CNTN1: variants seen among roughly 807,000 people sequenced by gnomAD.
The protein encoded by CNTN1 is contactin 1.
CNTN1 carries 38 observed loss-of-function variants against 126.4 expected under a neutral mutation model. That is an observed-to-expected ratio of 0.30 (90% CI 0.23 to 0.39). CNTN1 has a LOEUF of 0.39. Among genes scored for constraint, CNTN1 ranks in the 10% least tolerant of loss-of-function variants. The pLI is 1.00. For synonymous variants in CNTN1, 413 were observed against 422.6 expected, an observed-to-expected ratio of 0.98 and a Z score of 0.28; for missense variants, 1,009 against 1,248.4, an observed-to-expected ratio of 0.81 and a Z score of 2.89.
intron 1 of CNTN1, among the ~76,000 whole-genome samples, chr12:40,693,039 G>T (rs567820272): frequency 6.6e-6 from 1 of 152,330 alleles, no homozygotes; most frequent in Admixed American, 6.5e-5. Context: ...CCACCTGGGC[G>T]CCTGGCTAGC....
At chr12:40,801,958 C>A (rs546347889) in intron 1 of CNTN1, among the ~76,000 whole-genome samples, 77 of 140,954 alleles carry the variant, frequency 5.5e-4, no homozygotes, top group African/African-American at 1.7e-3. Flanking sequence ...CAATGAAGAT[C>A]AAAAAAAAAA....
intron 16 of CNTN1, among the ~76,000 whole-genome samples, chr12:40,988,616 A>G (rs1592367784): frequency 6.6e-6 from 1 of 152,146 alleles, no homozygotes; most frequent in East Asian, 1.9e-4. Flanking sequence ...AGAATGGTGG[A>G]AACTTCTTTT....
Position 40,905,209 on chromosome 12 carries a change from C to T in CNTN1, c.-76-3148C>T, listed in dbSNP as rs193209274. 2.0e-3 allele frequency among the ~76,000 whole-genome samples: 302 copies of T among 152,298 alleles called. 1 individual carries two copies. The highest frequency in any genetic ancestry group is 1.5e-3 in the Non-Finnish European group (104 of 68,022). The stretch of plus-strand genomic sequence containing the variant: ...TACATTCTAGCCCTAGAAAAGTTGT[C>T]TGTATTTTATTTTCAATTTACTGAG... On this transcript the variant is annotated intron_variant, in intron 1 of 23. Transcript: ENST00000551295.
intron 1 of CNTN1, among the ~76,000 whole-genome samples, chr12:40,883,227 C>A (rs147193943): frequency 6.6e-6 from 1 of 151,438 alleles, no homozygotes; most frequent in African/African-American, 2.4e-5. Context: ...TCAAGCAATG[C>A]TTTTTTAAGT....
At chr12:40,969,126 G>A (rs983044616) in intron 15 of CNTN1, among the ~76,000 whole-genome samples, 4 of 151,980 alleles carry the variant, frequency 2.6e-5, no homozygotes, top group African/African-American at 7.2e-5. Context: ...AATCCCTTTC[G>A]AGCAGTTTTA....
intron 19 of CNTN1, among the ~76,000 whole-genome samples, chr12:41,017,932 A>G (rs1041212067): frequency 2.0e-5 from 3 of 151,920 alleles, no homozygotes; most frequent in African/African-American, 7.3e-5. Flanking sequence ...TCTCTACTAA[A>G]ACTACAAAAT....
In CNTN1 at chr12:40,823,200, T is replaced by A. The variant is rs184493871; in HGVS notation, c.-76-85157T>A. The stretch of plus-strand genomic sequence containing the variant: ...TTTTTAAAATTAGTTGTGATTACTA[T>A]AAATACTTTTTATATAACAGGGACT... On this transcript the variant is annotated intron_variant, in intron 1 of 23. Coordinates refer to ENST00000551295, the MANE Select transcript of CNTN1 (RefSeq NM_001843.4). 3.3e-5 allele frequency among the ~76,000 whole-genome samples: 5 copies of A among 152,182 alleles called. No homozygotes were observed. The East Asian group carries it at 7.7e-4, about 23-fold the overall frequency.
intron 1 of CNTN1, among the ~76,000 whole-genome samples, chr12:40,820,935 A>T (rs1467224706): frequency 6.6e-6 from 1 of 152,134 alleles, no homozygotes; most frequent in Non-Finnish European, 1.5e-5. Flanking sequence ...AATCCCAAGG[A>T]TGTTTTTCTT....
rs576966648 is a variant in CNTN1 at position 40,750,377 on chromosome 12, T to C, written c.-77+57785T>C. Among the ~76,000 whole-genome samples, 4 of 152,158 alleles carry C rather than the reference T, an allele frequency of 2.6e-5. No homozygotes were observed. In the South Asian group the frequency reaches 8.3e-4, roughly 32 times the overall value. On this transcript the variant is annotated intron_variant, in intron 1 of 23. Transcript: ENST00000551295. ...AGGGAGGGATTCACTGTAGGTAAAG[T>C]AGGGAAGCTCATGTATTTTAACAGA...
intron 1 of CNTN1, among the ~76,000 whole-genome samples, chr12:40,781,955 T>C (rs1462006647): frequency 6.6e-6 from 1 of 152,022 alleles, no homozygotes; most frequent in Non-Finnish European, 1.5e-5. Context: ...CTCTTTCTGT[T>C]CTCTTCCTAC....
chr12:41,070,514 G>T lies in CNTN1; in HGVS notation c.*479G>T, dbSNP rs1440732713. ...ACTGTTTTGGGTACTGCATATTATT[G>T]AATGGCCCCTATCATTCATGACATC... On this transcript the variant is annotated 3_prime_UTR_variant, in exon 24 of 24. Coordinates refer to ENST00000551295, the MANE Select transcript of CNTN1 (RefSeq NM_001843.4). 6.1e-6 allele frequency: 1 copy of T among 164,442 alleles called. No individual in the cohort carries two copies. The highest frequency in any genetic ancestry group is 2.4e-5 in the African/African-American group (1 of 41,614). 10.2% of individuals were successfully genotyped at this position (164,442 alleles called of 1,614,324 possible).
chr12:40,844,396 GC>G (rs1338445332), intron 1 of CNTN1, among the ~76,000 whole-genome samples: 1 of 152,028 alleles, frequency 6.6e-6, no homozygotes, highest in Non-Finnish European at 1.5e-5. Flanking sequence ...TTGAATGCAA[GC>G]AAAATCACAA....
chr12:40,781,509 C>G (rs1036361238), intron 1 of CNTN1, among the ~76,000 whole-genome samples: 2 of 151,916 alleles, frequency 1.3e-5, no homozygotes, highest in Non-Finnish European at 1.5e-5. Flanking sequence ...AATATTTCTT[C>G]TGCATGTATT....
chr12:40,826,498 G>T (rs547829487), intron 1 of CNTN1, among the ~76,000 whole-genome samples: 59 of 152,314 alleles, frequency 3.9e-4, no homozygotes, highest in African/African-American at 1.4e-3. Flanking sequence ...CAAAGGAATT[G>T]TATGGCCAAT....
At chr12:40,888,591 G>A (rs1438228387) in intron 1 of CNTN1, among the ~76,000 whole-genome samples, 4 of 151,934 alleles carry the variant, frequency 2.6e-5, no homozygotes, top group East Asian at 3.9e-4. Flanking sequence ...CGATTACAAC[G>A]TAAAGAAATG....
chr12:40,980,056 G>A (rs535315821), intron 15 of CNTN1, among the ~76,000 whole-genome samples: 4 of 152,034 alleles, frequency 2.6e-5, no homozygotes, highest in African/African-American at 9.7e-5. Context: ...AACATGAAAT[G>A]TATTATGCAA....
At chr12:40,740,158 ATGTT>A in intron 1 of CNTN1, among the ~76,000 whole-genome samples, 1 of 145,650 alleles carries the variant, frequency 6.9e-6, no homozygotes, top group South Asian at 2.2e-4. Flanking sequence ...GTAATGAAAC[ATGTT>A]ATAAATCTAC....
intron 1 of CNTN1, among the ~76,000 whole-genome samples, chr12:40,864,306 C>T (rs551284815): frequency 1.1e-3 from 163 of 152,104 alleles, no homozygotes; most frequent in African/African-American, 3.9e-3. Context: ...AGGCGTGAAC[C>T]ACCATGCCCA....
At chr12:40,713,874 GT>G (rs1941985278) in intron 1 of CNTN1, among the ~76,000 whole-genome samples, 1 of 152,022 alleles carries the variant, frequency 6.6e-6, no homozygotes. Context: ...CAAATCTATT[GT>G]TTAATGACAG....
Sources: allele counts gnomAD v4.1 joint callset (sites outside exome capture counted in the v4.1 genomes callset), GRCh38; gene constraint gnomAD v4.1.1; transcripts MANE v1.5; gene names NCBI Gene and HGNC (gene_info 2026-07-23, HGNC 2026-07-21).